The following BNC2 variants were observed in gnomAD, a reference collection of about 807,000 sequenced individuals.
The protein encoded by BNC2 is zinc finger protein basonuclin-2.
In BNC2, 20 loss-of-function variants were observed where a neutral mutation model predicts 76.3. The ratio of observed to expected loss-of-function variants is 0.26; its 90% CI spans 0.18 to 0.38. The LOEUF (loss-of-function observed/expected upper bound fraction) is 0.38, where lower values mean the gene tolerates loss of function less well. BNC2 is among the 10% of genes least tolerant of loss of function. BNC2 has a pLI of 1.00. For synonymous variants in BNC2, 582 were observed against 514.8 expected, an observed-to-expected ratio of 1.13 and a Z score of -1.77; for missense variants, 1,382 against 1,399.8, an observed-to-expected ratio of 0.99 and a Z score of 0.20.
chr9:16,498,190 CATATATATATTCCATCAT>C (rs1822438469), intron 5 of BNC2, among the ~76,000 whole-genome samples: 1 of 133,864 alleles, frequency 7.5e-6, no homozygotes, highest in Non-Finnish European at 1.5e-5. Flanking sequence ...TATATTCCAT[CATATATATATTCCATCAT>C]ATATATATTC....
At chr9:16,616,302 G>A (rs1276632035) in intron 3 of BNC2, among the ~76,000 whole-genome samples, 2 of 152,132 alleles carry the variant, frequency 1.3e-5, no homozygotes, top group Admixed American at 6.5e-5. Flanking sequence ...TGAGGCAGCA[G>A]GATTGCTTGA....
At chr9:16,756,094 T>C (rs1242140143) in intron 1 of BNC2, among the ~76,000 whole-genome samples, 3 of 152,234 alleles carry the variant, frequency 2.0e-5, no homozygotes, top group East Asian at 3.9e-4. Flanking sequence ...AACCCTTTCT[T>C]TGTCTCTCAA....
chr9:16,615,030 C>T (rs1019099472), intron 3 of BNC2, among the ~76,000 whole-genome samples: 2 of 142,154 alleles, frequency 1.4e-5, no homozygotes, highest in South Asian at 2.3e-4. Flanking sequence ...TACCTTTCCA[C>T]ATACAAGAAC....
At chr9:16,779,130 A>AAAAG (rs1554729004) in intron 1 of BNC2, among the ~76,000 whole-genome samples, 8,210 of 87,556 alleles carry the variant, frequency 0.094, 419 homozygotes, top group South Asian at 0.18. Context: ...AAAAAAAAAA[A>AAAAG]AAAAGAAAAG....
chr9:16,657,105 G>A (rs1230157912), intron 3 of BNC2, among the ~76,000 whole-genome samples: 1 of 152,098 alleles, frequency 6.6e-6, no homozygotes, highest in East Asian at 1.9e-4. Flanking sequence ...TACAAATATG[G>A]AGCCCTACAG....
intron 5 of BNC2, among the ~76,000 whole-genome samples, chr9:16,468,386 CTTTATTTTTT>C (rs1035448728): frequency 2.0e-5 from 3 of 151,370 alleles, no homozygotes; most frequent in East Asian, 1.9e-4. Context: ...TATGCAGTAT[CTTTATTTTTT>C]TTTATTTTTT....
intron 3 of BNC2, among the ~76,000 whole-genome samples, chr9:16,616,776 G>A (rs1418168322): frequency 6.8e-6 from 1 of 147,630 alleles, no homozygotes; most frequent in Non-Finnish European, 1.5e-5. Context: ...GATGGGAGGG[G>A]AGGGGAGGAA....
intron 5 of BNC2, among the ~76,000 whole-genome samples, chr9:16,542,558 G>C (rs1166530308): frequency 1.3e-5 from 2 of 152,136 alleles, no homozygotes; most frequent in Admixed American, 1.3e-4. Flanking sequence ...AAAATCTAAG[G>C]CTATCGGCAA....
chr9:16,844,508 T>C (rs12237646), intron 1 of BNC2, among the ~76,000 whole-genome samples: 50,509 of 143,016 alleles, frequency 0.35, 9,006 homozygotes, highest in Non-Finnish European at 0.43. Flanking sequence ...TTTTTTTTTT[T>C]TTTTTTTGAG....
intron 5 of BNC2, among the ~76,000 whole-genome samples, chr9:16,526,615 C>A (rs1428249340): frequency 6.6e-6 from 1 of 151,600 alleles, no homozygotes; most frequent in East Asian, 1.9e-4. Context: ...GGGTAAAAAG[C>A]AATCGAAATG....
chr9:16,447,195 CA>C (rs1821248229), intron 5 of BNC2, among the ~76,000 whole-genome samples: 1 of 152,074 alleles, frequency 6.6e-6, no homozygotes, highest in African/African-American at 2.4e-5. Context: ...TCTTTAAAAT[CA>C]AATTACCTAT....
At chr9:16,739,143 C>T (rs1300484021) in intron 1 of BNC2, among the ~76,000 whole-genome samples, 2 of 151,816 alleles carry the variant, frequency 1.3e-5, no homozygotes, top group African/African-American at 4.8e-5. Flanking sequence ...CATAGAAGAA[C>T]CATCAATGAA....
chr9:16,550,947 G>T (rs1403830587), intron 5 of BNC2, among the ~76,000 whole-genome samples: 1 of 152,086 alleles, frequency 6.6e-6, no homozygotes, highest in Non-Finnish European at 1.5e-5. Flanking sequence ...ACGCAGCACT[G>T]TATGCATCTT....
intron 6 of BNC2, among the ~76,000 whole-genome samples, chr9:16,423,999 A>G (rs1299376893): frequency 2.0e-5 from 3 of 152,200 alleles, no homozygotes; most frequent in African/African-American, 7.2e-5. Context: ...TAACTGGACT[A>G]AAGTGGACTA....
At chr9:16,836,191 GC>G (rs1485324271) in intron 1 of BNC2, among the ~76,000 whole-genome samples, 2 of 152,128 alleles carry the variant, frequency 1.3e-5, no homozygotes, top group African/African-American at 4.8e-5. Context: ...CAACGGCATG[GC>G]TTCCTCCTCT....
intron 1 of BNC2, among the ~76,000 whole-genome samples, chr9:16,797,544 T>A (rs1431987388): frequency 6.6e-6 from 1 of 152,098 alleles, no homozygotes; most frequent in Non-Finnish European, 1.5e-5. Flanking sequence ...TGAAACCTCG[T>A]TGGCCTCTTA....
chr9:16,642,202 T>C (rs1228416517), intron 3 of BNC2, among the ~76,000 whole-genome samples: 4 of 152,204 alleles, frequency 2.6e-5, no homozygotes, highest in Non-Finnish European at 5.9e-5. Context: ...GTTGTTTACT[T>C]TTATACTTTA....
At chr9:16,486,529 A>C (rs1822167723) in intron 5 of BNC2, among the ~76,000 whole-genome samples, 1 of 152,232 alleles carries the variant, frequency 6.6e-6, no homozygotes, top group Non-Finnish European at 1.5e-5. Flanking sequence ...GATTCTCTTC[A>C]TGAGATTATT....
chr9:16,627,126 T>C (rs1253712266), intron 3 of BNC2, among the ~76,000 whole-genome samples: 3 of 152,212 alleles, frequency 2.0e-5, no homozygotes, highest in Non-Finnish European at 2.9e-5. Flanking sequence ...GACCTGGTTC[T>C]AATTCTGCAG....
Sources: gnomAD v4.1 joint callset for allele counts (sites outside exome capture counted in the v4.1 genomes callset) on GRCh38, gnomAD v4.1.1 for gene constraint, MANE v1.5 for transcripts, NCBI Gene and HGNC (gene_info 2026-07-23, HGNC 2026-07-21) for gene names.